Variants in DTNB observed in about 807,000 individuals in gnomAD.
DTNB encodes DTN-B.
DTNB carries 63 observed loss-of-function variants against 90.7 expected under a neutral mutation model. The ratio of observed to expected loss-of-function variants is 0.69; its 90% CI spans 0.57 to 0.86. The LOEUF (loss-of-function observed/expected upper bound fraction) is 0.86. Among genes scored for constraint, DTNB ranks in the 40% least tolerant of loss-of-function variants. DTNB has a pLI of 0.00. For missense variants in DTNB, 744 were observed against 807.1 expected, an observed-to-expected ratio of 0.92 and a Z score of 0.95; for synonymous variants, 277 against 286.7, an observed-to-expected ratio of 0.97 and a Z score of 0.34.
chr2:25,575,589 G>A (rs1333340251), intron 8 of DTNB, among the ~76,000 whole-genome samples: 1 of 152,034 alleles, frequency 6.6e-6, no homozygotes, highest in East Asian at 1.9e-4. Flanking sequence ...GATGTGGGTT[G>A]AAGTTTGTTT....
intron 1 of DTNB, among the ~76,000 whole-genome samples, chr2:25,653,833 A>C (rs1017304919): frequency 6.6e-6 from 1 of 151,850 alleles, no homozygotes; most frequent in African/African-American, 2.4e-5. Context: ...TTTCTTCCAG[A>C]CTCAGTGACC....
chr2:25,612,570 A>G (rs1311959460), intron 4 of DTNB, among the ~76,000 whole-genome samples: 1 of 152,152 alleles, frequency 6.6e-6, no homozygotes, highest in Non-Finnish European at 1.5e-5. Context: ...GAAAAATACT[A>G]TAAATAAGAG....
At chr2:25,418,120 A>G (rs1488524631) in intron 16 of DTNB, among the ~76,000 whole-genome samples, 1 of 152,214 alleles carries the variant, frequency 6.6e-6, no homozygotes. Flanking sequence ...GTGAATAAAG[A>G]AAAAAGCAAA....
At chr2:25,616,630 T>TAAAAAAAAAAAAAAAA (rs58950790) in intron 4 of DTNB, among the ~76,000 whole-genome samples, 5 of 117,684 alleles carry the variant, frequency 4.2e-5, no homozygotes, top group African/African-American at 1.7e-4. Flanking sequence ...CTATTTATAG[T>TAAAAAAAAAAAAAAAA]AAAAAAAAAA....
intron 16 of DTNB, among the ~76,000 whole-genome samples, chr2:25,409,817 C>A (rs1217330370): frequency 6.6e-6 from 1 of 152,140 alleles, no homozygotes; most frequent in African/African-American, 2.4e-5. Context: ...TGGTTTCAAT[C>A]CTCATTTTGT....
intron 19 of DTNB, 123 bp downstream of exon 19, chr2:25,383,713 C>T (rs1479804150): frequency 6.3e-6 from 10 of 1,590,936 alleles, no homozygotes; most frequent in East Asian, 2.2e-5. Flanking sequence ...GTACAGGGAC[C>T]TCGGGTCCGA....
At chr2:25,472,245 A>G (rs910806412) in intron 10 of DTNB, among the ~76,000 whole-genome samples, 2 of 152,214 alleles carry the variant, frequency 1.3e-5, no homozygotes, top group Non-Finnish European at 2.9e-5. Context: ...ATCACATAAT[A>G]TAGTTTTAGG....
chr2:25,508,538 T>TTC (rs147328043), intron 9 of DTNB, among the ~76,000 whole-genome samples: 1 of 73,194 alleles, frequency 1.4e-5, no homozygotes, highest in African/African-American at 1.1e-4. Flanking sequence ...TCGCTCTTTG[T>TTC]TTTTTATTTT....
At chr2:25,603,584 C>T (rs2066382228) in intron 5 of DTNB, among the ~76,000 whole-genome samples, 1 of 151,556 alleles carries the variant, frequency 6.6e-6, no homozygotes, top group Non-Finnish European at 1.5e-5. Flanking sequence ...AAACCAAAAA[C>T]CCCATGTCAA....
In DTNB at chr2:25,437,265, CT is replaced by C. The variant is rs1420248680; in HGVS notation, c.1258-3271del. ...GAAACTTAGAACTTTTATCTATGTA[CT>C]TTTTTTTTTTTTTGAGACAGAATCT... is the stretch of plus-strand genomic sequence containing the variant. On this transcript the variant is annotated intron_variant, in intron 12 of 20. Transcript: ENST00000406818. Among the ~76,000 whole-genome samples the C allele has an allele frequency of 5.7e-3, 826 of 143,864 alleles. 4 individuals carry two copies. Among genetic ancestry groups the C allele is most frequent in the African/African-American group, 0.013 (530 of 39,630 alleles). The allele number at this position is 143,864 out of a possible 152,430, so 94.4% of individuals were successfully genotyped here.
At chr2:25,610,714 C>CT (rs1358730102) in intron 4 of DTNB, among the ~76,000 whole-genome samples, 1 of 115,310 alleles carries the variant, frequency 8.7e-6, no homozygotes. Flanking sequence ...TAACTTCTAT[C>CT]CTTTTTTTTT....
intron 14 of DTNB, among the ~76,000 whole-genome samples, chr2:25,431,297 G>A (rs995506450): frequency 6.6e-6 from 1 of 151,942 alleles, no homozygotes; most frequent in African/African-American, 2.4e-5. Context: ...CGCCTCCCAG[G>A]TTCAAGCAAT....
chr2:25,490,809 A>G (rs2067232661), intron 9 of DTNB, among the ~76,000 whole-genome samples: 1 of 152,158 alleles, frequency 6.6e-6, no homozygotes, highest in Non-Finnish European at 1.5e-5. Flanking sequence ...GACACTTTAG[A>G]GCTTTAAATA....
At chr2:25,508,629 G>T (rs1309507851) in intron 9 of DTNB, among the ~76,000 whole-genome samples, 2 of 147,826 alleles carry the variant, frequency 1.4e-5, no homozygotes, top group Non-Finnish European at 3.0e-5. Flanking sequence ...CCGCCTCCCG[G>T]GTTCAAGCGA....
At chr2:25,379,353 T>C (rs950891611) in intron 19 of DTNB, 30 bp from the exon 20 acceptor site, 2 of 1,311,618 alleles carry the variant, frequency 1.5e-6, no homozygotes, top group African/African-American at 1.5e-5. Flanking sequence ...AACAACACAC[T>C]GAGGTCACGG....
At chr2:25,455,899 T>C (rs1041625689) in intron 10 of DTNB, among the ~76,000 whole-genome samples, 5 of 152,274 alleles carry the variant, frequency 3.3e-5, no homozygotes, top group African/African-American at 1.2e-4. Flanking sequence ...CCTAGCGCTA[T>C]GCTTTTATAA....
intron 16 of DTNB, among the ~76,000 whole-genome samples, chr2:25,396,236 G>A (rs1053339766): frequency 6.6e-6 from 1 of 152,170 alleles, no homozygotes; most frequent in Non-Finnish European, 1.5e-5. Context: ...AAAGGTGTAA[G>A]AATGATACAC....
rs182578054 is a variant in DTNB, at chr2:25,592,735, C to A, written c.603+3351G>T. On this transcript the variant is annotated intron_variant, in intron 6 of 20. Transcript: ENST00000406818. ...ATCAAAATGCTATAATGGAAAGGTG[C>A]GCAGAGTACAACACTGTGGACTTAA... 2.8e-4 allele frequency among the ~76,000 whole-genome samples: 42 copies of A among 151,916 alleles called. No homozygotes were observed. The East Asian group carries it at 7.1e-3, about 26-fold the overall frequency.
intron 8 of DTNB, among the ~76,000 whole-genome samples, chr2:25,532,304 G>A (rs114382084): frequency 8.2e-4 from 122 of 149,544 alleles, no homozygotes; most frequent in African/African-American, 2.9e-3. Flanking sequence ...AAGGCTAAGA[G>A]CACACAGCTT....
Sources: gnomAD v4.1 joint callset for allele counts (sites outside exome capture counted in the v4.1 genomes callset) on GRCh38, gnomAD v4.1.1 for gene constraint, MANE v1.5 for transcripts, NCBI Gene and HGNC (gene_info 2026-07-23, HGNC 2026-07-21) for gene names.